The following HOMER2 variants were observed in gnomAD, a reference collection of about 807,000 sequenced individuals.
The protein encoded by HOMER2 is homer scaffold protein 2.
HOMER2 carries 27 observed loss-of-function variants against 47.0 expected under a neutral mutation model. The ratio of observed to expected loss-of-function variants is 0.57; its 90% confidence interval spans 0.42 to 0.79. The LOEUF (loss-of-function observed/expected upper bound fraction) is 0.79, where lower values mean the gene tolerates loss of function less well. Ranked by LOEUF, HOMER2 falls within the 30% of genes least tolerant of loss-of-function variation. HOMER2 has a pLI of 0.00. For synonymous variants in HOMER2, 161 were observed against 163.8 expected (o/e 0.98, Z 0.13); for missense variants, 443 against 435.0 (o/e 1.02, Z -0.16).
intron 1 of HOMER2, among the ~76,000 whole-genome samples, chr15:82,950,749 G>T (rs1225581565): frequency 6.6e-6 from 1 of 152,198 alleles, no homozygotes; most frequent in East Asian, 1.9e-4. Flanking sequence ...GACATATTCT[G>T]TGTTTAAACA....
At chr15:82,968,167 G>C (rs2054692768) in intron 1 of HOMER2, among the ~76,000 whole-genome samples, 1 of 152,158 alleles carries the variant, frequency 6.6e-6, no homozygotes, top group Non-Finnish European at 1.5e-5. Flanking sequence ...TTCCCAAAGT[G>C]CTGGGATTAC....
intron 1 of HOMER2, among the ~76,000 whole-genome samples, chr15:82,893,813 G>A (rs2052809588): frequency 6.6e-6 from 1 of 151,818 alleles, no homozygotes; most frequent in African/African-American, 2.4e-5. Flanking sequence ...GGTGGGTAGA[G>A]ACAGGGTCTC....
intron 1 of HOMER2, among the ~76,000 whole-genome samples, chr15:82,948,569 A>C (rs945162568): frequency 1.3e-5 from 2 of 152,202 alleles, no homozygotes; most frequent in African/African-American, 4.8e-5. Context: ...TCTCAACAAA[A>C]GAAAAAAGAA....
Position 82,936,937 on chromosome 15 carries a change from T to C in HOMER2, c.5+15594A>G, listed in dbSNP as rs1048695178. Among the ~76,000 whole-genome samples the C allele has an allele frequency of 2.0e-5, 3 of 152,238 alleles. No homozygotes were observed. In the South Asian group the frequency reaches 6.2e-4, roughly 32 times the overall value. Reference sequence around the variant, plus strand: ...ATTATAACAGATTATAACTTCATATTATAATTAAATGTTTTATGTGCTAAA... The same window carrying C: ...ATTATAACAGATTATAACTTCATATCATAATTAAATGTTTTATGTGCTAAA... On this transcript the variant is annotated intron_variant, in intron 1 of 8. Coordinates refer to ENST00000450735, the MANE Select transcript of HOMER2 (RefSeq NM_004839.4).
intron 2 of HOMER2, among the ~76,000 whole-genome samples, chr15:82,879,672 G>A (rs1263898452): frequency 6.6e-6 from 1 of 152,148 alleles, no homozygotes; most frequent in African/African-American, 2.4e-5. Flanking sequence ...GACTTGTGTC[G>A]ATCCTGATGG....
At chr15:82,929,669 A>AT (rs1363309018) in intron 1 of HOMER2, among the ~76,000 whole-genome samples, 1 of 151,448 alleles carries the variant, frequency 6.6e-6, no homozygotes, top group Non-Finnish European at 1.5e-5. Flanking sequence ...AAAAAAAAAA[A>AT]AAAAAATCAA....
chr15:82,864,215 G>A lies in HOMER2; in HGVS notation c.339C>T (p.Ala113=), dbSNP rs751514607. ...CGATTTTCTCCTGCGTCTTGTCTTT[G>A]GCTATCTTGGCAGCTTCTTTCACCT... ...FQEVKEAAKI[A]KDKTQEKIET... Residue 113 remains alanine, a synonymous_variant, in exon 4 of 9, where the codon GCC becomes GCT. Transcript: ENST00000450735. 37 of 1,612,120 alleles carry A rather than the reference G, an allele frequency of 2.3e-5. No individual in the cohort carries two copies. Among genetic ancestry groups the A allele is most frequent in the Non-Finnish European group, 3.1e-5 (36 of 1,179,046 alleles).
At chr15:82,983,318 T>G (rs2151265625) in intron 1 of HOMER2, among the ~76,000 whole-genome samples, 1 of 152,360 alleles carries the variant, frequency 6.6e-6, no homozygotes, top group African/African-American at 2.4e-5. Context: ...GGGGAGCAAC[T>G]GTACACCAGT....
intron 8 of HOMER2, among the ~76,000 whole-genome samples, chr15:82,850,414 T>C (rs755677911): frequency 2.6e-5 from 4 of 152,194 alleles, no homozygotes; most frequent in Non-Finnish European, 5.9e-5. Context: ...GGACAGCCAG[T>C]CTGTGCACCC....
exon 2 of HOMER2, chr15:82,841,238 A>C (rs2051172822): frequency 6.6e-6 from 1 of 152,336 alleles, no homozygotes; most frequent in East Asian, 1.9e-4. Context: ...TGTATATTAA[A>C]AGAATAGTAT....
At chr15:82,856,274 G>A (rs756634564) in intron 5 of HOMER2, among the ~76,000 whole-genome samples, 9 of 152,184 alleles carry the variant, frequency 5.9e-5, no homozygotes, top group South Asian at 2.1e-4. Context: ...ATTTTTAGGG[G>A]TGAAACATTT....
intron 1 of HOMER2, among the ~76,000 whole-genome samples, chr15:82,905,232 T>C (rs1355509012): frequency 6.6e-6 from 1 of 150,880 alleles, no homozygotes; most frequent in Non-Finnish European, 1.5e-5. Context: ...GGCTCAGGGA[T>C]TGGAAGTTCT....
At chr15:82,848,294 A>T (rs1051456865), downstream of HOMER2, among the ~76,000 whole-genome samples, 1 of 152,120 alleles carries the variant, frequency 6.6e-6, no homozygotes, top group Non-Finnish European at 1.5e-5. Context: ...CGTCCATGGG[A>T]GAAGGTTTCT....
chr15:82,872,519 C>T (rs2052211046), intron 3 of HOMER2, among the ~76,000 whole-genome samples: 1 of 152,216 alleles, frequency 6.6e-6, no homozygotes, highest in South Asian at 2.1e-4. Flanking sequence ...TGAGCATTTT[C>T]CTTCTGGTCT....
chr15:82,900,687 C>T (rs990170747), intron 1 of HOMER2, among the ~76,000 whole-genome samples: 1 of 152,144 alleles, frequency 6.6e-6, no homozygotes, highest in Non-Finnish European at 1.5e-5. Flanking sequence ...GGCAGTATTG[C>T]TCATTAGTGG....
intron 6 of HOMER2, 21 bp from the exon 7 acceptor site, chr15:82,852,273 G>A: frequency 6.4e-7 from 1 of 1,552,196 alleles, no homozygotes; most frequent in Non-Finnish European, 8.9e-7. Flanking sequence ...CACCACACAG[G>A]AAAGCAGGGA....
intron 1 of HOMER2, among the ~76,000 whole-genome samples, chr15:82,984,328 G>A (rs1290735935): frequency 4.6e-5 from 7 of 151,938 alleles, no homozygotes; most frequent in Admixed American, 2.6e-4. Flanking sequence ...CACCGCACCC[G>A]GCCTTTTATT....
intron 5 of HOMER2, among the ~76,000 whole-genome samples, chr15:82,857,904 A>T (rs1405101210): frequency 6.6e-6 from 1 of 152,246 alleles, no homozygotes; most frequent in African/African-American, 2.4e-5. Flanking sequence ...CACATTCTCA[A>T]GATACAAAAT....
intron 1 of HOMER2, among the ~76,000 whole-genome samples, chr15:82,929,653 C>CAAAAAA (rs373315567): frequency 4.4e-5 from 4 of 90,972 alleles, no homozygotes; most frequent in Admixed American, 2.6e-4. Flanking sequence ...GTGAGACTAT[C>CAAAAAA]AAAAAAAAAA....
Sources: allele counts gnomAD v4.1 joint callset (sites outside exome capture counted in the v4.1 genomes callset), GRCh38; gene constraint gnomAD v4.1.1; transcripts MANE v1.5; gene names NCBI Gene and HGNC (gene_info 2026-07-23, HGNC 2026-07-21).